Variants in RCAN2 observed in about 807,000 individuals in gnomAD.
The protein encoded by RCAN2 is calcipressin-2.
RCAN2 carries 9 observed loss-of-function variants against 23.6 expected under a neutral mutation model. The observed-to-expected ratio is 0.38, with a 90% CI of 0.23 to 0.67. The LOEUF is 0.67. Among genes scored for constraint, RCAN2 ranks in the 30% least tolerant of loss-of-function variants. The probability of loss-of-function intolerance (pLI) is 0.51; values close to 1 mark genes in which losing one functional copy is unlikely to be tolerated. For synonymous variants in RCAN2, 109 were observed against 115.7 expected, an observed-to-expected ratio of 0.94 and a Z score of 0.37; for missense variants, 273 against 302.3, an observed-to-expected ratio of 0.90 and a Z score of 0.72.
chr6:46,269,390 C>A (rs971510360), intron 2 of RCAN2, among the ~76,000 whole-genome samples: 2 of 152,202 alleles, frequency 1.3e-5, no homozygotes, highest in Admixed American at 1.3e-4. Context: ...TTTTTCACAG[C>A]AGCTGTGTTC....
At chr6:46,476,762 C>T (rs1768723795) in intron 1 of RCAN2, among the ~76,000 whole-genome samples, 1 of 152,050 alleles carries the variant, frequency 6.6e-6, no homozygotes, top group South Asian at 2.1e-4. Context: ...GAAAGATGAA[C>T]ATATCTTCTC....
At chr6:46,236,231 G>C (rs183313815) in intron 4 of RCAN2, among the ~76,000 whole-genome samples, 1 of 152,224 alleles carries the variant, frequency 6.6e-6, no homozygotes, top group Non-Finnish European at 1.5e-5. Flanking sequence ...AGGGGTGAAC[G>C]ATAACAGGCT....
rs374859876 is a variant in RCAN2 at position 46,243,299 on chromosome 6, AAAGAC to A, written c.571+3444_571+3448del. On this transcript the variant is annotated intron_variant, in intron 4 of 4. Transcript: ENST00000371374. ...AAAAGGGATAAATGGATAACCAAAT[AAAGAC>A]AAACAGTCCCAAATTGCTGGCAAGG... Among the ~76,000 whole-genome samples, 608 of 152,358 alleles carry A rather than the reference AAAGAC, an allele frequency of 4.0e-3. 3 individuals are homozygous for A. Among genetic ancestry groups the A allele is most frequent in the South Asian group, 0.021 (102 of 4,832 alleles).
intron 4 of RCAN2, among the ~76,000 whole-genome samples, chr6:46,230,107 GC>G (rs1765825680): frequency 6.6e-6 from 1 of 152,182 alleles, no homozygotes; most frequent in South Asian, 2.1e-4. Context: ...TTGCAGAGCG[GC>G]AAATGTTGCT....
At chr6:46,276,075 G>A (rs1182900795) in intron 2 of RCAN2, among the ~76,000 whole-genome samples, 2 of 152,106 alleles carry the variant, frequency 1.3e-5, no homozygotes, top group Non-Finnish European at 2.9e-5. Context: ...GCATGGTGGT[G>A]TGCACCTGTA....
intron 2 of RCAN2, among the ~76,000 whole-genome samples, chr6:46,416,224 T>C (rs1374940384): frequency 6.6e-6 from 1 of 151,686 alleles, no homozygotes; most frequent in African/African-American, 2.4e-5. Flanking sequence ...TTGTAAAAAA[T>C]TAAGTGAGCT....
intron 2 of RCAN2, among the ~76,000 whole-genome samples, chr6:46,441,932 G>T (rs907870092): frequency 6.6e-6 from 1 of 152,128 alleles, no homozygotes; most frequent in Non-Finnish European, 1.5e-5. Context: ...AATAGAACTG[G>T]CACTCAGCCC....
At chr6:46,481,255 T>A (rs1768853428) in intron 1 of RCAN2, among the ~76,000 whole-genome samples, 2 of 152,230 alleles carry the variant, frequency 1.3e-5, no homozygotes, top group African/African-American at 4.8e-5. Flanking sequence ...TATACCCTAG[T>A]GGTCAGCACA....
chr6:46,337,054 A>C (rs1764167026), intron 2 of RCAN2, among the ~76,000 whole-genome samples: 1 of 152,162 alleles, frequency 6.6e-6, no homozygotes, highest in South Asian at 2.1e-4. Flanking sequence ...TTAGTTATAC[A>C]GATGACAAGA....
chr6:46,469,005 A>G (rs1768474974), intron 1 of RCAN2, among the ~76,000 whole-genome samples: 1 of 152,090 alleles, frequency 6.6e-6, no homozygotes, highest in South Asian at 2.1e-4. Context: ...TTCTTTTTAT[A>G]TCCATTTATT....
chr6:46,466,987 C>T (rs1768403360), intron 1 of RCAN2, among the ~76,000 whole-genome samples: 1 of 152,212 alleles, frequency 6.6e-6, no homozygotes, highest in Non-Finnish European at 1.5e-5. Context: ...TTCAAAGTCA[C>T]ATCTGGGGTC....
chr6:46,337,270 A>G (rs1370176694), intron 2 of RCAN2, among the ~76,000 whole-genome samples: 2 of 152,240 alleles, frequency 1.3e-5, no homozygotes, highest in Non-Finnish European at 2.9e-5. Flanking sequence ...ATATTATTGC[A>G]GTACTGTTAT....
At position 46,220,779 on chromosome 6, in the gene RCAN2, A is replaced by T. The variant is rs1478797840; in HGVS notation, c.*2362T>A. 1 of 152,638 alleles carries T rather than the reference A, an allele frequency of 6.6e-6. No homozygotes were observed. The highest frequency in any genetic ancestry group is 2.4e-5 in the African/African-American group (1 of 41,448). The allele number at this position is 152,638 out of a possible 1,614,324, so 9.5% of individuals were successfully genotyped here. A position where few individuals can be genotyped will look rare whatever the true frequency, so the allele number is the denominator to read the frequency against. On this transcript the variant is annotated 3_prime_UTR_variant, in exon 5 of 5. Coordinates refer to ENST00000371374, the MANE Select transcript of RCAN2 (RefSeq NM_001251974.2). ...TTGAAGTCTAAGCTCTTTGAGCTAT[A>T]CACGTGCACAAATGATTCAGTTGGT...
At chr6:46,323,380 C>T (rs1227521087) in intron 2 of RCAN2, among the ~76,000 whole-genome samples, 1 of 145,438 alleles carries the variant, frequency 6.9e-6, no homozygotes, top group Non-Finnish European at 1.5e-5. Flanking sequence ...ATTAGGTAAC[C>T]TTTCTAAAAA....
chr6:46,448,979 G>A (rs1767796048), intron 2 of RCAN2, among the ~76,000 whole-genome samples: 1 of 151,848 alleles, frequency 6.6e-6, no homozygotes. Flanking sequence ...CCTAGCCAGA[G>A]CAATTAGGCA....
intron 2 of RCAN2, among the ~76,000 whole-genome samples, chr6:46,394,271 C>T (rs564957683): frequency 3.3e-5 from 5 of 152,252 alleles, no homozygotes; most frequent in South Asian, 2.1e-4. Flanking sequence ...AATCTGGACA[C>T]GAAGGTGCTT....
chr6:46,477,054 A>C (rs1768733166), intron 1 of RCAN2, among the ~76,000 whole-genome samples: 13 of 152,178 alleles, frequency 8.5e-5, no homozygotes, highest in Admixed American at 8.5e-4. Flanking sequence ...AGCATGGGCC[A>C]GGAGGGTGGC....
chr6:46,465,658 G>T (rs1352037592), intron 1 of RCAN2, among the ~76,000 whole-genome samples: 1 of 152,140 alleles, frequency 6.6e-6, no homozygotes, highest in East Asian at 1.9e-4. Context: ...TCCCCAACTT[G>T]TTATCTTTCT....
chr6:46,467,556 G>A (rs1330919479), intron 1 of RCAN2, among the ~76,000 whole-genome samples: 1 of 152,140 alleles, frequency 6.6e-6, no homozygotes, highest in Non-Finnish European at 1.5e-5. Flanking sequence ...AGAGTCATGG[G>A]TCTTTTTGCA....
Sources: gnomAD v4.1 joint callset for allele counts (sites outside exome capture counted in the v4.1 genomes callset) on GRCh38, gnomAD v4.1.1 for gene constraint, MANE v1.5 for transcripts, NCBI Gene and HGNC (gene_info 2026-07-23, HGNC 2026-07-21) for gene names.